Variants in NEURL1 observed in about 807,000 individuals in gnomAD.
The protein encoded by NEURL1 is E3 ubiquitin-protein ligase NEURL1.
In NEURL1, 26 loss-of-function variants were observed where a neutral mutation model predicts 41.2. The observed-to-expected ratio is 0.63, with a 90% confidence interval of 0.46 to 0.87. The LOEUF (loss-of-function observed/expected upper bound fraction) is 0.87, where lower values mean the gene tolerates loss of function less well. Ranked by LOEUF, NEURL1 falls within the 40% of genes least tolerant of loss-of-function variation. The pLI is 0.00. For missense variants in NEURL1, 761 were observed against 871.1 expected, an observed-to-expected ratio of 0.87 and a Z score of 1.59; for synonymous variants, 400 against 402.3, an observed-to-expected ratio of 0.99 and a Z score of 0.07.
intron 1 of NEURL1, among the ~76,000 whole-genome samples, chr10:103,534,137 A>G (rs1445069611): frequency 6.8e-6 from 1 of 146,708 alleles, no homozygotes; most frequent in Non-Finnish European, 1.5e-5. Flanking sequence ...TGTCTTTCAC[A>G]TCGTGAATTG....
At chr10:103,542,785 A>G (rs1398910136) in intron 1 of NEURL1, among the ~76,000 whole-genome samples, 1 of 152,198 alleles carries the variant, frequency 6.6e-6, no homozygotes, top group East Asian at 1.9e-4. Context: ...GCTTCCTGGG[A>G]AGACTGAAAC....
Position 103,584,850 on chromosome 10 carries a change from G to A in NEURL1, c.964G>A (p.Glu322Lys), listed in dbSNP as rs1295812148. Residue 322 changes from glutamate to lysine, a missense_variant, in exon 4 of 6, where the codon GAG (glutamate) becomes AAG (lysine). By Grantham distance (56) the Glu-to-Lys change is moderately conservative. Around this residue, in one of 5 missense-constraint regions of NEURL1, gnomAD observed 443 missense variants for 408.1 expected, o/e 1.09. Transcript: ENST00000369780. Reference protein sequence around the residue: ...TVARVEHGRDERALVFTSRPV... With the variant: ...TVARVEHGRDKRALVFTSRPV... ...GGCGCGCGTGGAGCACGGGCGCGAC[G>A]AGCGCGCGCTCGTCTTCACCAGCCG... 7.1e-7 allele frequency: 1 copy of A among 1,405,654 alleles called. No individual in the cohort carries two copies. The highest frequency in any genetic ancestry group is 1.5e-5 in the South Asian group (1 of 66,084). 87.1% of individuals were successfully genotyped at this position (1,405,654 alleles called of 1,614,324 possible). A position where few individuals can be genotyped will look rare whatever the true frequency, so the allele number is the denominator to read the frequency against.
At chr10:103,583,749 A>C (rs1208447037) in intron 3 of NEURL1, among the ~76,000 whole-genome samples, 2 of 148,640 alleles carry the variant, frequency 1.3e-5, no homozygotes, top group Admixed American at 6.8e-5. Flanking sequence ...CAAACAAAAA[A>C]CCCAAAAATA....
At chr10:103,501,145 G>GT (rs1341574018) in intron 1 of NEURL1, among the ~76,000 whole-genome samples, 2 of 152,204 alleles carry the variant, frequency 1.3e-5, no homozygotes, top group Non-Finnish European at 2.9e-5. Context: ...ATCTTTGAAG[G>GT]TAGGCTAGGG....
chr10:103,509,459 C>T (rs750284768), intron 1 of NEURL1, among the ~76,000 whole-genome samples: 4 of 152,022 alleles, frequency 2.6e-5, no homozygotes, highest in African/African-American at 7.2e-5. Context: ...TGCTAGATAC[C>T]GCAGGCAGTG....
chr10:103,514,178 T>A (rs2034143340), intron 1 of NEURL1, among the ~76,000 whole-genome samples: 2 of 151,908 alleles, frequency 1.3e-5, no homozygotes, highest in South Asian at 4.2e-4. Flanking sequence ...AACCTCCGCC[T>A]CCTGGGGTTC....
chr10:103,586,137 G>A (rs1400577118), intron 4 of NEURL1, among the ~76,000 whole-genome samples: 2 of 152,024 alleles, frequency 1.3e-5, no homozygotes, highest in Non-Finnish European at 2.9e-5. Flanking sequence ...AAGAAGGGAG[G>A]AAGATTCTTT....
intron 1 of NEURL1, among the ~76,000 whole-genome samples, chr10:103,547,520 T>G (rs2034947131): frequency 6.6e-6 from 1 of 152,154 alleles, no homozygotes; most frequent in Non-Finnish European, 1.5e-5. Flanking sequence ...CATCCCTCTG[T>G]AAGCTGGACC....
rs1248068527 is a variant in NEURL1, at chr10:103,571,117, G to A, written c.327+4G>A. The A allele has an allele frequency of 6.2e-7, 1 of 1,611,732 alleles. No individual in the cohort carries two copies. Among genetic ancestry groups the A allele is most frequent in the Admixed American group, 1.7e-5 (1 of 59,992 alleles). On this transcript the variant is annotated splice_donor_region_variant and intron_variant, in intron 2 of 5. Transcript: ENST00000369780. The stretch of plus-strand genomic sequence containing the variant: ...CTACGAGCAAGTCAGGCTGAAGGTG[G>A]GCCTGCCCCCTGCCCCCGCCCCCGC...
At chr10:103,572,518 G>C (rs1427481523) in intron 3 of NEURL1, among the ~76,000 whole-genome samples, 1 of 152,246 alleles carries the variant, frequency 6.6e-6, no homozygotes, top group African/African-American at 2.4e-5. Context: ...AGAGCAAGGA[G>C]GAGGAGCCTC....
chr10:103,564,899 A>G (rs115961318), intron 1 of NEURL1, among the ~76,000 whole-genome samples: 91 of 152,248 alleles, frequency 6.0e-4, no homozygotes, highest in African/African-American at 2.1e-3. Context: ...AGGGGGTAGC[A>G]GGAGCAGGGA....
intron 1 of NEURL1, among the ~76,000 whole-genome samples, chr10:103,514,179 C>T (rs1023915317): frequency 6.6e-6 from 1 of 151,818 alleles, no homozygotes; most frequent in African/African-American, 2.4e-5. Flanking sequence ...ACCTCCGCCT[C>T]CTGGGGTTCA....
At chr10:103,496,514 A>G (rs2033689533) in intron 1 of NEURL1, among the ~76,000 whole-genome samples, 1 of 152,220 alleles carries the variant, frequency 6.6e-6, no homozygotes, top group Admixed American at 6.5e-5. Context: ...ATAGGATCAT[A>G]TGGGATTGCA....
chr10:103,510,671 C>T (rs1435353664), intron 1 of NEURL1, among the ~76,000 whole-genome samples: 1 of 152,192 alleles, frequency 6.6e-6, no homozygotes, highest in Non-Finnish European at 1.5e-5. Context: ...GGCTGTTCTT[C>T]ACCCCTGGCT....
intron 1 of NEURL1, among the ~76,000 whole-genome samples, chr10:103,548,730 C>T (rs2034975217): frequency 6.6e-6 from 1 of 152,230 alleles, no homozygotes; most frequent in African/African-American, 2.4e-5. Context: ...AGTTCTCTGA[C>T]TCTCAAGCGT....
rs1424150960 is a variant in NEURL1 at position 103,494,135 on chromosome 10, C to T, written c.-253C>T. On this transcript the variant is annotated 5_prime_UTR_variant, in exon 1 of 6. Transcript: ENST00000369780. Reference sequence around the variant, plus strand: ...GGCCCAGGGCCCTGCTTGTGGCCCCCGCTCCCGCCACGGGGCATGGGAGGC... The same window carrying T: ...GGCCCAGGGCCCTGCTTGTGGCCCCTGCTCCCGCCACGGGGCATGGGAGGC... 2.5e-6 allele frequency: 1 copy of T among 407,396 alleles called. No homozygotes were observed. Among genetic ancestry groups the T allele is most frequent in the East Asian group, 4.4e-5 (1 of 22,540 alleles). The allele number at this position is 407,396 out of a possible 1,614,324, so 25.2% of individuals were successfully genotyped here.
chr10:103,526,904 T>A (rs141550102), intron 1 of NEURL1, among the ~76,000 whole-genome samples: 195 of 151,452 alleles, frequency 1.3e-3, no homozygotes, highest in African/African-American at 4.7e-3. Context: ...TCTCTAATGA[T>A]CCTTTGTATT....
At chr10:103,538,219 T>C (rs7088041) in intron 1 of NEURL1, among the ~76,000 whole-genome samples, 134,176 of 151,952 alleles carry the variant, frequency 0.88, 59,577 homozygotes, top group East Asian at 1. Context: ...CTCAGCCTCC[T>C]GAGTAGTTGG....
chr10:103,565,713 A>G (rs2035408567), intron 1 of NEURL1, among the ~76,000 whole-genome samples: 3 of 152,164 alleles, frequency 2.0e-5, no homozygotes, highest in Non-Finnish European at 4.4e-5. Context: ...ATAGAGTGCA[A>G]TGGTGCTCTC....
Sources: gnomAD v4.1 joint callset for allele counts (sites outside exome capture counted in the v4.1 genomes callset) on GRCh38, gnomAD v4.1.1 for gene constraint, gnomAD v4.1.1 regional missense constraint, MANE v1.5 for transcripts, NCBI Gene and HGNC (gene_info 2026-07-23, HGNC 2026-07-21) for gene names.